ST6GAL1: variants seen among roughly 807,000 people sequenced by gnomAD.
ST6GAL1 encodes beta-galactoside alpha-2,6-sialyltransferase 1.
ST6GAL1 carries 20 observed loss-of-function variants against 38.0 expected under a neutral mutation model. The observed-to-expected ratio is 0.53, with a 90% confidence interval of 0.37 to 0.77. The LOEUF is 0.77. ST6GAL1 is among the 30% of genes least tolerant of loss of function. ST6GAL1 has a pLI of 0.00. For missense variants in ST6GAL1, 432 were observed against 496.4 expected (o/e 0.87, Z 1.23); for synonymous variants, 196 against 188.2 (o/e 1.04, Z -0.34).
At chr3:187,055,663 C>T (rs931724272) in intron 5 of ST6GAL1, among the ~76,000 whole-genome samples, 3 of 152,132 alleles carry the variant, frequency 2.0e-5, no homozygotes, top group African/African-American at 4.8e-5. Context: ...GCGCTGTGGT[C>T]TGAGAGACAG....
chr3:187,013,664 G>A (rs530480531), intron 2 of ST6GAL1, among the ~76,000 whole-genome samples: 4 of 152,232 alleles, frequency 2.6e-5, no homozygotes, highest in East Asian at 3.9e-4. Context: ...AGCTCACTGC[G>A]ACTTCCACCT....
At chr3:186,954,905 T>G (rs1278183849) in intron 1 of ST6GAL1, among the ~76,000 whole-genome samples, 2 of 152,234 alleles carry the variant, frequency 1.3e-5, no homozygotes, top group African/African-American at 4.8e-5. Context: ...AATCTTTGCC[T>G]GTGCTGATGT....
chr3:187,053,348 G>A (rs1248039602), intron 5 of ST6GAL1, among the ~76,000 whole-genome samples: 1 of 152,100 alleles, frequency 6.6e-6, no homozygotes, highest in South Asian at 2.1e-4. Context: ...ATTGCTTTTG[G>A]TGTTTTAGTC....
intron 4 of ST6GAL1, among the ~76,000 whole-genome samples, chr3:187,049,000 C>G (rs998880967): frequency 2.0e-5 from 3 of 149,998 alleles, no homozygotes; most frequent in Non-Finnish European, 4.4e-5. Flanking sequence ...AAGCGATTCT[C>G]CTGCCTCAGC....
chr3:187,017,941 A>G (rs758278897), intron 2 of ST6GAL1, among the ~76,000 whole-genome samples: 4 of 152,332 alleles, frequency 2.6e-5, no homozygotes, highest in Admixed American at 6.5e-5. Flanking sequence ...GGAAATCCTT[A>G]TCTTCGGTAT....
intron 1 of ST6GAL1, among the ~76,000 whole-genome samples, chr3:186,947,011 G>C (rs1487237563): frequency 6.6e-6 from 1 of 152,186 alleles, no homozygotes; most frequent in Non-Finnish European, 1.5e-5. Context: ...ATGGGAGAAA[G>C]GACCTTTCTG....
At chr3:186,978,079 C>T (rs1003445018) in intron 2 of ST6GAL1, among the ~76,000 whole-genome samples, 3 of 152,040 alleles carry the variant, frequency 2.0e-5, no homozygotes, top group Admixed American at 6.6e-5. Context: ...GGCGTGGTGG[C>T]GCACACCTGT....
At chr3:186,967,249 T>A (rs1331419283) in intron 2 of ST6GAL1, among the ~76,000 whole-genome samples, 1 of 152,198 alleles carries the variant, frequency 6.6e-6, no homozygotes, top group Non-Finnish European at 1.5e-5. Context: ...TGGAGTGCGG[T>A]GGCGCAATCT....
intron 2 of ST6GAL1, among the ~76,000 whole-genome samples, chr3:187,009,923 T>C (rs923835821): frequency 6.6e-6 from 1 of 152,096 alleles, no homozygotes; most frequent in Non-Finnish European, 1.5e-5. Context: ...GAGAATCGCT[T>C]GAACCCGGGA....
chr3:187,015,259 C>G (rs1717078846), intron 2 of ST6GAL1, among the ~76,000 whole-genome samples: 1 of 152,214 alleles, frequency 6.6e-6, no homozygotes, highest in South Asian at 2.1e-4. Context: ...CCTTAGCAGA[C>G]TTAGGCTGTT....
At chr3:187,069,638 C>T (rs1719293885) in intron 5 of ST6GAL1, among the ~76,000 whole-genome samples, 1 of 152,186 alleles carries the variant, frequency 6.6e-6, no homozygotes, top group African/African-American at 2.4e-5. Context: ...AACACTAATT[C>T]AGAACTCTAG....
chr3:187,056,952 A>G (rs1718723805), intron 5 of ST6GAL1, among the ~76,000 whole-genome samples: 1 of 152,060 alleles, frequency 6.6e-6, no homozygotes, highest in Non-Finnish European at 1.5e-5. Flanking sequence ...TGAAACGTAG[A>G]TTTGGTCTTT....
At chr3:186,981,426 G>T (rs192077823) in intron 2 of ST6GAL1, among the ~76,000 whole-genome samples, 15 of 152,258 alleles carry the variant, frequency 9.9e-5, no homozygotes, top group Admixed American at 7.8e-4. Context: ...CTTCTTATTT[G>T]CTTTAACAGA....
intron 1 of ST6GAL1, among the ~76,000 whole-genome samples, chr3:186,960,379 T>G (rs554943490): frequency 2.6e-5 from 4 of 152,150 alleles, no homozygotes; most frequent in African/African-American, 9.6e-5. Flanking sequence ...GAACAGGCCC[T>G]GAGGAGAAGG....
At chr3:187,013,105 G>A (rs1717009337) in intron 2 of ST6GAL1, among the ~76,000 whole-genome samples, 1 of 152,236 alleles carries the variant, frequency 6.6e-6, no homozygotes, top group East Asian at 1.9e-4. Flanking sequence ...CATAATGGAG[G>A]AGACCTTTAG....
intron 2 of ST6GAL1, among the ~76,000 whole-genome samples, chr3:187,018,691 T>G (rs895696972): frequency 6.6e-6 from 1 of 152,114 alleles, no homozygotes; most frequent in African/African-American, 2.4e-5. Flanking sequence ...GCCCACTGAC[T>G]CAAATGTTAA....
At chr3:186,939,408 G>T (rs938768276) in intron 1 of ST6GAL1, among the ~76,000 whole-genome samples, 22 of 152,092 alleles carry the variant, frequency 1.4e-4, no homozygotes, top group Admixed American at 6.6e-5. Context: ...TACTGCCCAA[G>T]TAAGGAGGCC....
chr3:186,992,738 G>A (rs1579303405), intron 2 of ST6GAL1, among the ~76,000 whole-genome samples: 1 of 152,172 alleles, frequency 6.6e-6, no homozygotes, highest in East Asian at 1.9e-4. Flanking sequence ...AGAGGTTGCA[G>A]TGAGCTGAGA....
At chr3:186,938,753 C>CGAAGAG (rs1278854786) in intron 1 of ST6GAL1, among the ~76,000 whole-genome samples, 11 of 151,436 alleles carry the variant, frequency 7.3e-5, no homozygotes, top group African/African-American at 2.7e-4. Context: ...GTAAGGAACC[C>CGAAGAG]TATATCATAT....
Sources: gnomAD v4.1 joint callset for allele counts (sites outside exome capture counted in the v4.1 genomes callset) on GRCh38, gnomAD v4.1.1 for gene constraint, MANE v1.5 for transcripts, NCBI Gene and HGNC (gene_info 2026-07-23, HGNC 2026-07-21) for gene names.